Variants in RFWD3 observed in about 807,000 individuals in gnomAD.
The protein encoded by RFWD3 is E3 ubiquitin-protein ligase RFWD3.
A neutral mutation model predicts 87.7 loss-of-function variants in RFWD3; 65 were observed. The ratio of observed to expected loss-of-function variants is 0.74; its 90% CI spans 0.61 to 0.91. The LOEUF (loss-of-function observed/expected upper bound fraction) is 0.91, where lower values mean the gene tolerates loss of function less well. Ranked by LOEUF, RFWD3 falls within the 40% of genes least tolerant of loss-of-function variation. RFWD3 has a pLI of 0.00. For synonymous variants in RFWD3, 433 were observed against 352.8 expected, an observed-to-expected ratio of 1.23 and a Z score of -2.55; for missense variants, 1,078 against 938.5, an observed-to-expected ratio of 1.15 and a Z score of -1.94.
In RFWD3 at chr16:74,651,852, C is replaced by A. The variant is rs559395066; in HGVS notation, c.721+68G>T. ...AAGTGTCAAAGCACAAATCTAGTTTCTAGCCTTCCGAAATTTAAGCTTCAT... is the reference window on the plus strand; with the variant it reads ...AAGTGTCAAAGCACAAATCTAGTTTATAGCCTTCCGAAATTTAAGCTTCAT... On this transcript the variant is annotated intron_variant, in intron 3 of 12. Transcript: ENST00000361070. The A allele has an allele frequency of 2.6e-5, 36 of 1,399,928 alleles. 1 individual carries two copies. The Admixed American group carries it at 4.9e-4, about 19-fold the overall frequency. The allele number at this position is 1,399,928 out of a possible 1,614,324, so 86.7% of individuals were successfully genotyped here.
At chr16:74,659,375 C>G (rs1045576002) in intron 2 of RFWD3, among the ~76,000 whole-genome samples, 1 of 152,128 alleles carries the variant, frequency 6.6e-6, no homozygotes, top group Non-Finnish European at 1.5e-5. Flanking sequence ...GTGCCTTCAC[C>G]TATAACACAA....
At position 74,651,866 on chromosome 16, in the gene RFWD3, T is replaced by G. The variant is rs551516247; in HGVS notation, c.721+54A>C. The G allele has an allele frequency of 9.9e-5, 151 of 1,520,728 alleles. 1 individual carries two copies. The South Asian group carries it at 1.6e-3, about 16-fold the overall frequency. The allele number at this position is 1,520,728 out of a possible 1,614,324, so 94.2% of individuals were successfully genotyped here. ...AAATCTAGTTTCTAGCCTTCCGAAA[T>G]TTAAGCTTCATGGATGTTAGCCTTG... On this transcript the variant is annotated intron_variant, in intron 3 of 12. Coordinates refer to ENST00000361070, the MANE Select transcript of RFWD3 (RefSeq NM_018124.4).
At position 74,624,030 on chromosome 16, in the gene RFWD3, C is replaced by A. The variant is rs763982760; in HGVS notation, c.2223G>T (p.Gln741His). ...AASGSLLQDL[Q>H]TDQPVLDICP... ...AGATGTCCAACACAGGCTGATCGGT[C>A]TGTAGGTCCTGGAGCAACGAGCCAC... Residue 741 changes from glutamine to histidine, a missense_variant, in exon 13 of 13, where the codon CAG (glutamine) becomes CAT (histidine). Gln to His is a conservative substitution (Grantham distance 24, BLOSUM62 0). Transcript: ENST00000361070. The A allele has an allele frequency of 6.2e-7, 1 of 1,613,938 alleles. No homozygotes were observed. The highest frequency in any genetic ancestry group is 1.7e-5 in the Admixed American group (1 of 59,980).
intron 3 of RFWD3, 130 bp downstream of exon 3, chr16:74,651,790 A>C: frequency 1.3e-6 from 1 of 790,460 alleles, no homozygotes; most frequent in Admixed American, 2.2e-5. Context: ...TCTATACTAT[A>C]AAACAGGAAT....
chr16:74,624,922 G>A (rs575365541), intron 12 of RFWD3, among the ~76,000 whole-genome samples: 39 of 152,286 alleles, frequency 2.6e-4, no homozygotes, highest in Non-Finnish European at 4.6e-4. Context: ...TGAGGAGTTT[G>A]AGGCTACAGT....
chr16:74,645,983 C>T (rs1316911463), intron 4 of RFWD3, among the ~76,000 whole-genome samples: 1 of 150,092 alleles, frequency 6.7e-6, no homozygotes, highest in East Asian at 2.0e-4. Context: ...CTCCTGACCT[C>T]GCGATCCGTC....
intron 2 of RFWD3, among the ~76,000 whole-genome samples, chr16:74,655,091 G>A (rs1370109194): frequency 6.6e-6 from 1 of 152,224 alleles, no homozygotes; most frequent in Admixed American, 6.5e-5. Flanking sequence ...ACACTAAAAA[G>A]ATTCTCAGTG....
chr16:74,627,898 TAC>T (rs1363461282), intron 11 of RFWD3, among the ~76,000 whole-genome samples: 2 of 152,194 alleles, frequency 1.3e-5, no homozygotes, highest in African/African-American at 4.8e-5. Context: ...TGACCATCAG[TAC>T]AGTTTACCAG....
intron 1 of RFWD3, among the ~76,000 whole-genome samples, chr16:74,665,750 TTCTTTC>T (rs1961834645): frequency 7.9e-6 from 1 of 126,246 alleles, no homozygotes; most frequent in African/African-American, 3.6e-5. Flanking sequence ...CTTTCTTTCT[TTCTTTC>T]TTTTTTTGAG....
chr16:74,632,963 G>C (rs1959147335), intron 8 of RFWD3, among the ~76,000 whole-genome samples: 1 of 151,978 alleles, frequency 6.6e-6, no homozygotes, highest in Non-Finnish European at 1.5e-5. Context: ...CACCACACCT[G>C]GCCTATGATT....
chr16:74,663,193 C>T (rs931313169), intron 1 of RFWD3, among the ~76,000 whole-genome samples: 6 of 152,062 alleles, frequency 3.9e-5, no homozygotes, highest in Non-Finnish European at 5.9e-5. Context: ...CATGAGCCAC[C>T]GCGCCCGGCC....
At chr16:74,635,148 C>T (rs553254108) in intron 8 of RFWD3, among the ~76,000 whole-genome samples, 45 of 152,020 alleles carry the variant, frequency 3.0e-4, no homozygotes, top group Middle Eastern at 3.4e-3. Flanking sequence ...GGTGTGGTGG[C>T]GGGCGCCTGT....
At chr16:74,644,165 C>T (rs76065543) in intron 6 of RFWD3, 197 bp downstream of exon 6, 81,178 of 626,888 alleles carry the variant, frequency 0.13, 6,423 homozygotes, top group Admixed American at 0.26. Context: ...ATAAGGCAAA[C>T]GATGCAGACT....
chr16:74,644,077 G>A (rs1959906550), intron 6 of RFWD3: 3 of 475,784 alleles, frequency 6.3e-6, no homozygotes, highest in African/African-American at 5.8e-5. Context: ...AACTGCTGTG[G>A]CGGGGGGTGG....
At chr16:74,632,719 T>C (rs1270582215) in intron 8 of RFWD3, 46 bp from the exon 9 acceptor site, 10 of 1,582,132 alleles carry the variant, frequency 6.3e-6, no homozygotes, top group Non-Finnish European at 7.8e-6. Flanking sequence ...AAAGTGAACC[T>C]AGGGCAATTC....
chr16:74,633,106 G>A (rs928420820), intron 8 of RFWD3, among the ~76,000 whole-genome samples: 1 of 151,946 alleles, frequency 6.6e-6, no homozygotes, highest in East Asian at 1.9e-4. Flanking sequence ...GTGAAACCCT[G>A]TCTCTACTAA....
chr16:74,634,412 C>T (rs549667750), intron 8 of RFWD3, among the ~76,000 whole-genome samples: 34 of 151,560 alleles, frequency 2.2e-4, no homozygotes, highest in Admixed American at 8.5e-4. Context: ...TGAGACAAGG[C>T]CTCACTCTGT....
At chr16:74,628,307 C>T in intron 11 of RFWD3, 145 bp downstream of exon 11, 2 of 705,574 alleles carry the variant, frequency 2.8e-6, no homozygotes, top group Non-Finnish European at 4.7e-6. Context: ...AGCCACCATA[C>T]TCCCTGTAGT....
At chr16:74,663,077 T>C (rs879731497) in intron 1 of RFWD3, among the ~76,000 whole-genome samples, 1 of 151,994 alleles carries the variant, frequency 6.6e-6, no homozygotes, top group Non-Finnish European at 1.5e-5. Context: ...GCTAATTTTT[T>C]GTATTTTTAG....
Sources: allele counts gnomAD v4.1 joint callset (sites outside exome capture counted in the v4.1 genomes callset), GRCh38; gene constraint gnomAD v4.1.1; transcripts MANE v1.5; gene names NCBI Gene and HGNC (gene_info 2026-07-23, HGNC 2026-07-21).